MMP20: variants seen among roughly 807,000 people sequenced by gnomAD.
The protein encoded by MMP20 is matrix metalloproteinase-20.
Under a neutral mutation model 51.8 loss-of-function variants are expected in MMP20, and 50 were observed. That is an observed-to-expected ratio of 0.97 (90% CI 0.77 to 1.22). The LOEUF (loss-of-function observed/expected upper bound fraction) is 1.22, where lower values mean the gene tolerates loss of function less well. Among genes scored for constraint, MMP20 ranks in the 50% most tolerant of loss-of-function variants. The probability of loss-of-function intolerance (pLI) is 0.00; values close to 1 mark genes in which losing one functional copy is unlikely to be tolerated. For synonymous variants in MMP20, 244 were observed against 216.2 expected (o/e 1.13, Z -1.13); for missense variants, 663 against 601.4 (o/e 1.10, Z -1.07).
chr11:102,625,232 A>T lies in MMP20; in HGVS notation c.88T>A (p.Ser30Thr). ...TAGTTGTTCCTCCAGGTCCTGGGGGAGGCTGCAACTAGGGAGGGGGCTGCA... is the reference window on the plus strand; with the variant it reads ...TAGTTGTTCCTCCAGGTCCTGGGGGTGGCTGCAACTAGGGAGGGGGCTGCA... Reference protein sequence around the residue: ...STAAPSLVAASPRTWRNNYRL... With the variant: ...STAAPSLVAATPRTWRNNYRL... The change falls in exon 1 of 10, where the codon TCC becomes ACC. Residue 30 changes from serine to threonine, a missense_variant. By Grantham distance (58) the Ser-to-Thr change is moderately conservative. Coordinates refer to ENST00000260228, the MANE Select transcript of MMP20 (RefSeq NM_004771.4). 6.2e-7 allele frequency: 1 copy of T among 1,613,760 alleles called. No homozygotes were observed. Among genetic ancestry groups the T allele is most frequent in the South Asian group, 1.1e-5 (1 of 91,048 alleles).
Position 102,616,822 on chromosome 11 carries a change from A to G in MMP20, c.364T>C (p.Leu122=). ...PGEPKWKKNT[L]TYRISKYTPS... ...ACTTGATCTCATTACCTGTATGTCA[A>G]AGTATTTTTTTTCCATTTGGGTTCA... Residue 122 remains leucine (L), a synonymous_variant, in exon 2 of 10, where the codon TTG becomes CTG. Coordinates refer to ENST00000260228, the MANE Select transcript of MMP20 (RefSeq NM_004771.4). The G allele has an allele frequency of 6.2e-7, 1 of 1,614,182 alleles. No homozygotes were observed. Among genetic ancestry groups the G allele is most frequent in the Non-Finnish European group, 8.5e-7 (1 of 1,180,016 alleles).
chr11:102,589,822 T>A (rs1859297011), intron 8 of MMP20, among the ~76,000 whole-genome samples: 1 of 152,212 alleles, frequency 6.6e-6, no homozygotes, highest in Non-Finnish European at 1.5e-5. Context: ...AAACAAGATT[T>A]TTGAACCCTA....
rs138515257 is a variant in MMP20, at chr11:102,597,747, T to C, written c.954-2990A>G. ...AGAAATAAATGCTATCCATCACTTA[T>C]ATAAATTATGACAAATTTCTTTTCT... On this transcript the variant is annotated intron_variant, in intron 6 of 9. Transcript: ENST00000260228. Among the ~76,000 whole-genome samples, 783 of 152,320 alleles carry C rather than the reference T, an allele frequency of 5.1e-3. 11 individuals are homozygous for C. The highest frequency in any genetic ancestry group is 0.018 in the African/African-American group (745 of 41,570).
rs1270950325 is a variant in MMP20, at chr11:102,601,368, G to A, written c.953+5167C>T. On this transcript the variant is annotated intron_variant, in intron 6 of 9. Coordinates refer to ENST00000260228, the MANE Select transcript of MMP20 (RefSeq NM_004771.4). ...GGGATGGTCTCGATCTCCTGACCTC[G>A]TGATCCGCCCGCCTCGGCCTCCCAA... Among the ~76,000 whole-genome samples the A allele has an allele frequency of 5.3e-5, 2 of 37,626 alleles. 1 individual carries two copies. The highest frequency in any genetic ancestry group is 1.5e-4 in the Non-Finnish European group (2 of 13,350). The allele number at this position is 37,626 out of a possible 152,430, so 24.7% of individuals were successfully genotyped here. A position where few individuals can be genotyped will look rare whatever the true frequency, so the allele number is the denominator to read the frequency against.
At chr11:102,603,060 A>T (rs1332714723) in intron 6 of MMP20, among the ~76,000 whole-genome samples, 1 of 152,262 alleles carries the variant, frequency 6.6e-6, no homozygotes, top group Non-Finnish European at 1.5e-5. Flanking sequence ...ATTTGAATGT[A>T]CGTTTATACA....
At chr11:102,601,908 C>T (rs1268797431) in intron 6 of MMP20, among the ~76,000 whole-genome samples, 3 of 151,828 alleles carry the variant, frequency 2.0e-5, no homozygotes, top group Admixed American at 2.0e-4. Flanking sequence ...CTCTCCAATT[C>T]CTACTTGCAT....
intron 8 of MMP20, among the ~76,000 whole-genome samples, chr11:102,590,372 C>T (rs1480522856): frequency 6.6e-6 from 1 of 152,166 alleles, no homozygotes; most frequent in Non-Finnish European, 1.5e-5. Flanking sequence ...AGTAGAGCCT[C>T]CTATTTGGAT....
intron 8 of MMP20, among the ~76,000 whole-genome samples, chr11:102,590,350 C>T (rs1330682307): frequency 3.9e-5 from 6 of 152,172 alleles, no homozygotes; most frequent in Non-Finnish European, 7.4e-5. Context: ...TAGCATGTAA[C>T]GGCATCAACA....
At chr11:102,609,223 T>C (rs891862677) in intron 4 of MMP20, 125 bp from the exon 5 acceptor site, 14 of 896,742 alleles carry the variant, frequency 1.6e-5, no homozygotes, top group Non-Finnish European at 2.3e-5. Context: ...AACTGGATTA[T>C]TCAAAGGTTG....
intron 8 of MMP20, among the ~76,000 whole-genome samples, chr11:102,581,327 C>G (rs1231374085): frequency 6.6e-6 from 1 of 152,070 alleles, no homozygotes; most frequent in Non-Finnish European, 1.5e-5. Context: ...ATCTGAGATT[C>G]TAAGTCACTA....
rs138884170 is a variant in MMP20, at chr11:102,619,470, C to G, written c.127-2411G>C. The stretch of plus-strand genomic sequence containing the variant: ...TTTATAAACATAAGTGGTATCTAGT[C>G]ACACCATCCCAGTCATATCACCAGG... On this transcript the variant is annotated intron_variant, in intron 1 of 9. Coordinates refer to ENST00000260228, the MANE Select transcript of MMP20 (RefSeq NM_004771.4). 2.7e-3 allele frequency among the ~76,000 whole-genome samples: 417 copies of G among 152,186 alleles called. 3 individuals carry two copies. The highest frequency in any genetic ancestry group is 9.6e-3 in the African/African-American group (399 of 41,510).
At chr11:102,593,993 C>T (rs1859349631) in intron 7 of MMP20, among the ~76,000 whole-genome samples, 1 of 152,182 alleles carries the variant, frequency 6.6e-6, no homozygotes, top group Non-Finnish European at 1.5e-5. Context: ...GTATCAAGAA[C>T]ATATAAGCTA....
intron 7 of MMP20, among the ~76,000 whole-genome samples, 176 bp downstream of exon 7, chr11:102,594,445 G>C (rs1362267367): frequency 1.3e-5 from 2 of 152,144 alleles, no homozygotes; most frequent in Non-Finnish European, 2.9e-5. Context: ...CATTTCCATT[G>C]TTACACAATG....
At chr11:102,577,993 G>C (rs568620413) in intron 9 of MMP20, among the ~76,000 whole-genome samples, 2 of 152,088 alleles carry the variant, frequency 1.3e-5, no homozygotes, top group Non-Finnish European at 2.9e-5. Context: ...GTCCAGCCCT[G>C]TGCTATTTTT....
At chr11:102,583,875 A>G (rs758828070) in intron 8 of MMP20, among the ~76,000 whole-genome samples, 1 of 152,206 alleles carries the variant, frequency 6.6e-6, no homozygotes, top group Non-Finnish European at 1.5e-5. Context: ...GACATTTTAT[A>G]CAATATGCAG....
At chr11:102,617,991 T>C (rs1275965998) in intron 1 of MMP20, among the ~76,000 whole-genome samples, 3 of 152,206 alleles carry the variant, frequency 2.0e-5, no homozygotes, top group Non-Finnish European at 4.4e-5. Context: ...AATCCACAGA[T>C]GCTCAAGTCT....
At chr11:102,596,483 G>C (rs1859381975) in intron 6 of MMP20, among the ~76,000 whole-genome samples, 1 of 152,114 alleles carries the variant, frequency 6.6e-6, no homozygotes, top group Non-Finnish European at 1.5e-5. Context: ...GAATATGAAA[G>C]TGTATTATAA....
At chr11:102,606,920 A>T in intron 5 of MMP20, 1 of 508,610 alleles carries the variant, frequency 2.0e-6, no homozygotes, top group Non-Finnish European at 3.6e-6. Flanking sequence ...GGATAATAAT[A>T]GTACTCACCT....
chr11:102,578,204 TG>T lies in MMP20; in HGVS notation c.1352-779del, dbSNP rs555586892. On this transcript the variant is annotated intron_variant, in intron 9 of 9. Coordinates refer to ENST00000260228, the MANE Select transcript of MMP20 (RefSeq NM_004771.4). ...TGTTGCCCAGGCTAGAGTGCAGTGG[TG>T]CAATCACAGTTCACCGCAGCCTCGA... 2.9e-3 allele frequency among the ~76,000 whole-genome samples: 441 copies of T among 151,552 alleles called. 4 individuals are homozygous for T. The highest frequency in any genetic ancestry group is 0.01 in the African/African-American group (422 of 41,294).
Sources: gnomAD v4.1 joint callset for allele counts (sites outside exome capture counted in the v4.1 genomes callset) on GRCh38, gnomAD v4.1.1 for gene constraint, MANE v1.5 for transcripts, NCBI Gene and HGNC (gene_info 2026-07-23, HGNC 2026-07-21) for gene names.